The following SLC5A12 variants were observed in gnomAD, a reference collection of about 807,000 sequenced individuals.
SLC5A12 encodes the protein sodium-coupled monocarboxylate transporter 2.
In SLC5A12, 46 loss-of-function variants were observed where a neutral mutation model predicts 72.7. The ratio of observed to expected loss-of-function variants is 0.63; its 90% CI spans 0.50 to 0.81. The LOEUF is 0.81. Among genes scored for constraint, SLC5A12 ranks in the 30% least tolerant of loss-of-function variants. The probability of loss-of-function intolerance (pLI) is 0.00; values close to 1 mark genes in which losing one functional copy is unlikely to be tolerated. For synonymous variants in SLC5A12, 275 were observed against 264.4 expected, an observed-to-expected ratio of 1.04 and a Z score of -0.39; for missense variants, 683 against 740.7, an observed-to-expected ratio of 0.92 and a Z score of 0.90.
In SLC5A12 at chr11:26,681,040, A is replaced by G. The variant is rs780862351; in HGVS notation, c.1475+15T>C. Reference sequence around the variant, plus strand: ...CACTCTCTGGGACTTAGCACCATCTATAAAGTCAGCATACCTGCTGGATAG... The same window carrying G: ...CACTCTCTGGGACTTAGCACCATCTGTAAAGTCAGCATACCTGCTGGATAG... On this transcript the variant is annotated intron_variant, in intron 12 of 14. Coordinates refer to ENST00000396005, the MANE Select transcript of SLC5A12 (RefSeq NM_178498.4). 45 of 1,574,354 alleles carry G rather than the reference A, an allele frequency of 2.9e-5. No homozygotes were observed. In the Admixed American group the frequency reaches 7.9e-4, roughly 28 times the overall value.
At chr11:26,676,413 C>G (rs780527483) in intron 13 of SLC5A12, among the ~76,000 whole-genome samples, 1 of 148,882 alleles carries the variant, frequency 6.7e-6, no homozygotes, top group African/African-American at 2.5e-5. Context: ...AACCTTAGTA[C>G]GGAAACATAA....
intron 13 of SLC5A12, among the ~76,000 whole-genome samples, chr11:26,675,647 T>C (rs1854247516): frequency 6.6e-6 from 1 of 152,160 alleles, no homozygotes; most frequent in African/African-American, 2.4e-5. Flanking sequence ...TCTAGATGTA[T>C]AGTAACCTGG....
chr11:26,703,580 A>C lies in SLC5A12; in HGVS notation c.772T>G (p.Ser258Ala). The change falls in exon 6 of 15, where the codon TCA becomes GCA. Residue 258 changes from serine (S) to alanine (A), a missense_variant. Ser to Ala is a moderately conservative substitution (Grantham distance 99, BLOSUM62 1). Coordinates refer to ENST00000396005, the MANE Select transcript of SLC5A12 (RefSeq NM_178498.4). ...TWLGIYGVNQ[S>A]TIQRCISCKT... is the part of the protein sequence containing the mutation. ...CAAGAGATGCATCGCTGAATAGTTG[A>C]TTGATTGACCCCATAGATTCCGAGC... is the stretch of plus-strand genomic sequence containing the variant. 1.2e-6 allele frequency: 2 copies of C among 1,613,986 alleles called. No homozygotes were observed. The highest frequency in any genetic ancestry group is 1.7e-6 in the Non-Finnish European group (2 of 1,179,946).
rs909165129 is a variant in SLC5A12, at chr11:26,679,954, A to G, written c.1475+1101T>C. On this transcript the variant is annotated intron_variant, in intron 12 of 14. Coordinates refer to ENST00000396005, the MANE Select transcript of SLC5A12 (RefSeq NM_178498.4). Reference sequence around the variant, plus strand: ...TAGAAAAATGGAGGAAATAAAAAATACAAATAAGATAATTTCACTTTTCTG... The same window carrying G: ...TAGAAAAATGGAGGAAATAAAAAATGCAAATAAGATAATTTCACTTTTCTG... 1.3e-4 allele frequency among the ~76,000 whole-genome samples: 20 copies of G among 152,132 alleles called. 2 individuals carry two copies. Among genetic ancestry groups the G allele is most frequent in the Admixed American group, 1.2e-3 (18 of 15,260 alleles).
chr11:26,697,433 T>C (rs1854848852), intron 7 of SLC5A12, among the ~76,000 whole-genome samples, 181 bp from the exon 8 acceptor site: 1 of 152,148 alleles, frequency 6.6e-6, no homozygotes, highest in Non-Finnish European at 1.5e-5. Context: ...TACGCCATTT[T>C]CTTTCGTGTT....
chr11:26,681,534 A>T (rs576042070), intron 11 of SLC5A12, among the ~76,000 whole-genome samples: 2 of 152,100 alleles, frequency 1.3e-5, no homozygotes, highest in Non-Finnish European at 2.9e-5. Context: ...TGAAACCTCA[A>T]TTCTCATTAG....
intron 6 of SLC5A12, among the ~76,000 whole-genome samples, chr11:26,703,299 G>T (rs985250677): frequency 1.3e-5 from 2 of 151,824 alleles, no homozygotes; most frequent in African/African-American, 4.8e-5. Flanking sequence ...TGAGAGAAAA[G>T]ACAAACCGAC....
chr11:26,716,468 A>G, intron 1 of SLC5A12: 1 of 152,214 alleles, frequency 6.6e-6, no homozygotes, highest in East Asian at 1.9e-4. Flanking sequence ...TGGTGTATAT[A>G]TAAGCTATTC....
intron 9 of SLC5A12, among the ~76,000 whole-genome samples, chr11:26,689,457 G>T (rs139983172): frequency 9.2e-5 from 14 of 152,164 alleles, no homozygotes; most frequent in African/African-American, 2.6e-4. Context: ...AATTCTAGAA[G>T]AGGTAAAACT....
At chr11:26,704,192 T>G (rs1041064693) in intron 4 of SLC5A12, among the ~76,000 whole-genome samples, 6 of 152,126 alleles carry the variant, frequency 3.9e-5, no homozygotes, top group African/African-American at 1.4e-4. Context: ...GACAACAAGA[T>G]AGTGATTTAC....
rs916272218 is a variant in SLC5A12, at chr11:26,703,828, C to T, written c.645G>A (p.Glu215=). 8.1e-6 allele frequency: 13 copies of T among 1,613,752 alleles called. No individual in the cohort carries two copies. The highest frequency in any genetic ancestry group is 3.3e-5 in the Admixed American group (2 of 59,972). ...THAGGFHNVL[E]QSTNGSRLHI... ...GTAGTCGAGATCCATTTGTTGATTG[C>T]TCTAATACATTGTGGAATCCCCCAG... Residue 215 remains glutamate (E), a synonymous_variant, in exon 5 of 15, where the codon GAG becomes GAA. Transcript: ENST00000396005.
chr11:26,712,918 T>C (rs762961138), intron 1 of SLC5A12, among the ~76,000 whole-genome samples: 2 of 152,152 alleles, frequency 1.3e-5, no homozygotes, highest in Non-Finnish European at 2.9e-5. Flanking sequence ...TTTCTCATGA[T>C]GATCAGAGAA....
At chr11:26,701,970 G>A (rs1854968058) in intron 6 of SLC5A12, among the ~76,000 whole-genome samples, 1 of 152,130 alleles carries the variant, frequency 6.6e-6, no homozygotes, top group Admixed American at 6.5e-5. Context: ...TATTAACATA[G>A]AGAAATTAGG....
Position 26,721,601 on chromosome 11 carries a change from G to C in SLC5A12, c.114C>G (p.Ser38=). 6.2e-7 allele frequency: 1 copy of C among 1,614,150 alleles called. No individual in the cohort carries two copies. The highest frequency in any genetic ancestry group is 8.5e-7 in the Non-Finnish European group (1 of 1,180,028). The change falls in exon 1 of 15, where the codon TCC becomes TCG. Residue 38 remains serine (S), a synonymous_variant. Coordinates refer to ENST00000396005, the MANE Select transcript of SLC5A12 (RefSeq NM_178498.4). ...FAIKERKKAT[S]REFLVGGRQM... is the part of the protein sequence containing the mutation. ...GCCTTCCCCCAACCAGGAACTCTCG[G>C]GAAGTTGCCTTTTTTCTCTCCTTAA... is the stretch of plus-strand genomic sequence containing the variant.
At chr11:26,695,041 G>C (rs1214220343) in intron 8 of SLC5A12, among the ~76,000 whole-genome samples, 1 of 151,606 alleles carries the variant, frequency 6.6e-6, no homozygotes, top group Non-Finnish European at 1.5e-5. Flanking sequence ...AAAAAGTCAA[G>C]AATATCTGTA....
At chr11:26,677,749 A>G (rs1449725098) in intron 13 of SLC5A12, among the ~76,000 whole-genome samples, 2 of 152,170 alleles carry the variant, frequency 1.3e-5, no homozygotes, top group African/African-American at 4.8e-5. Flanking sequence ...AGGGCATTGG[A>G]GCTTCAATAT....
intron 8 of SLC5A12, among the ~76,000 whole-genome samples, chr11:26,694,541 T>C (rs891438047): frequency 6.6e-6 from 1 of 152,148 alleles, no homozygotes; most frequent in Non-Finnish European, 1.5e-5. Context: ...GAGATCCTAG[T>C]GCCAACACCA....
chr11:26,709,085 T>A (rs1855159154), intron 4 of SLC5A12: 1 of 376,356 alleles, frequency 2.7e-6, no homozygotes, highest in African/African-American at 2.1e-5. Flanking sequence ...TTATTAGGCA[T>A]GATTTTCTTG....
rs775000501 is a variant in SLC5A12, at chr11:26,721,934, T to C, written c.-220A>G. Reference sequence around the variant, plus strand: ...TTCAAAGAAGAATCTGGTGGTGGTATTGGCACCAAGAGATGAGAATTTGAA... The same window carrying C: ...TTCAAAGAAGAATCTGGTGGTGGTACTGGCACCAAGAGATGAGAATTTGAA... On this transcript the variant is annotated 5_prime_UTR_variant, in exon 1 of 15. Transcript: ENST00000396005. 251 of 545,994 alleles carry C rather than the reference T, an allele frequency of 4.6e-4. 1 individual carries two copies. Among genetic ancestry groups the C allele is most frequent in the Non-Finnish European group, 2.0e-4 (62 of 308,700 alleles). 33.8% of individuals were successfully genotyped at this position (545,994 alleles called of 1,614,324 possible). A position where few individuals can be genotyped will look rare whatever the true frequency, so the allele number is the denominator to read the frequency against.
Sources: allele counts gnomAD v4.1 joint callset (sites outside exome capture counted in the v4.1 genomes callset), GRCh38; gene constraint gnomAD v4.1.1; transcripts MANE v1.5; gene names NCBI Gene and HGNC (gene_info 2026-07-23, HGNC 2026-07-21).